The following MYCBP2 variants were observed in gnomAD, a reference collection of about 807,000 sequenced individuals.
MYCBP2 encodes the protein MYC binding protein 2.
Under a neutral mutation model 525.3 loss-of-function variants are expected in MYCBP2, and 120 were observed. That is an observed-to-expected ratio of 0.23 (90% CI 0.20 to 0.27). The LOEUF is 0.27. Ranked by LOEUF, MYCBP2 falls within the 10% of genes least tolerant of loss-of-function variation. The pLI, the probability that MYCBP2 is intolerant of heterozygous loss-of-function variation, is 1.00. For synonymous variants in MYCBP2, 1,894 were observed against 1,955.8 expected, an observed-to-expected ratio of 0.97 and a Z score of 0.83; for missense variants, 4,149 against 5,657.1, an observed-to-expected ratio of 0.73 and a Z score of 8.55.
Position 77,078,858 on chromosome 13 carries a change from C to T in MYCBP2, c.11450G>A (p.Gly3817Asp), listed in dbSNP as rs2042801540. 1 of 1,613,574 alleles carries T rather than the reference C, an allele frequency of 6.2e-7. No individual in the cohort carries two copies. Among genetic ancestry groups the T allele is most frequent in the Non-Finnish European group, 8.5e-7 (1 of 1,179,650 alleles). Residue 3817 changes from glycine (G) to aspartate (D), a missense_variant, in exon 66 of 83, where the codon GGC becomes GAC. Physicochemically the swap from Gly to Asp is moderately conservative, Grantham distance 94. Around this residue, in one of 21 missense-constraint regions of MYCBP2, gnomAD observed 509 missense variants for 789.4 expected, o/e 0.64. Coordinates refer to ENST00000544440, the MANE Select transcript of MYCBP2 (RefSeq NM_015057.5). ...NKVTSMTFLT[G>D]KAVEDLCRIK... ...TCTGCACAAATCTTCTACTGCTTTGCCAGTTAAGAAGGTCATTGAGGTAAC... is the reference window on the plus strand; with the variant it reads ...TCTGCACAAATCTTCTACTGCTTTGTCAGTTAAGAAGGTCATTGAGGTAAC...
Position 77,199,470 on chromosome 13 carries a change from C to T in MYCBP2, c.3844-5226G>A, listed in dbSNP as rs1376891020. On this transcript the variant is annotated intron_variant, in intron 26 of 82. Coordinates refer to ENST00000544440, the MANE Select transcript of MYCBP2 (RefSeq NM_015057.5). ...GGCGGCAGCGAGGCTGGGGGAGGGG[C>T]GCCCGCCATTGCCCAGGCTTGCTTA... 2.6e-4 allele frequency among the ~76,000 whole-genome samples: 40 copies of T among 152,308 alleles called. 1 individual carries two copies. The highest frequency in any genetic ancestry group is 1.5e-3 in the East Asian group (8 of 5,186).
chr13:77,125,193 T>C (rs1035650374), intron 54 of MYCBP2, 143 bp downstream of exon 54: 4 of 1,010,048 alleles, frequency 4.0e-6, no homozygotes, highest in Non-Finnish European at 2.9e-6. Context: ...ATTTTAACAG[T>C]TGCAAGATTT....
In MYCBP2 at chr13:77,126,553, G is replaced by C. The variant is rs777203518; in HGVS notation, c.7660-11C>G. 1 of 1,594,934 alleles carries C rather than the reference G, an allele frequency of 6.3e-7. No homozygotes were observed. Among genetic ancestry groups the C allele is most frequent in the East Asian group, 2.2e-5 (1 of 44,650 alleles). On this transcript the variant is annotated splice_polypyrimidine_tract_variant and intron_variant, in intron 52 of 82. Coordinates refer to ENST00000544440, the MANE Select transcript of MYCBP2 (RefSeq NM_015057.5). Reference sequence around the variant, plus strand: ...ATTAGTTTTAGATTCCTGAAAATTTGAATAGGAAAGAAAAATAAACAAAAT... The same window carrying C: ...ATTAGTTTTAGATTCCTGAAAATTTCAATAGGAAAGAAAAATAAACAAAAT...
At chr13:77,325,076 C>T (rs1021217114) in intron 1 of MYCBP2, among the ~76,000 whole-genome samples, 3 of 152,220 alleles carry the variant, frequency 2.0e-5, no homozygotes, top group Non-Finnish European at 2.9e-5. Context: ...AAAACTACTG[C>T]TGTGCCCAAT....
chr13:77,150,071 C>A (rs949828080), intron 47 of MYCBP2, among the ~76,000 whole-genome samples: 1 of 152,158 alleles, frequency 6.6e-6, no homozygotes, highest in Non-Finnish European at 1.5e-5. Context: ...ATAATGACTA[C>A]CTTGATAATT....
chr13:77,232,929 A>G (rs553229975), intron 18 of MYCBP2, among the ~76,000 whole-genome samples: 1 of 152,354 alleles, frequency 6.6e-6, no homozygotes, highest in Admixed American at 6.5e-5. Context: ...AGGAAAAGAT[A>G]TATTGTAAAA....
chr13:77,326,677 C>A lies in MYCBP2; in HGVS notation c.99G>T (p.Ala33=). The stretch of plus-strand genomic sequence containing the variant: ...GAACCGGCATGAACAGCGCCCCCGG[C>A]GCCGGGGAGGAAGAGAAGGTGGCGG... ...YPAATFSSSP[A]PGALFMPVPD... Residue 33 remains alanine, a synonymous_variant, in exon 1 of 83, where the codon GCG becomes GCT. Transcript: ENST00000544440. The surrounding 1 kb of genome is among the most constrained non-coding windows in gnomAD (Gnocchi z 4.2). The A allele has an allele frequency of 2.7e-6, 4 of 1,461,124 alleles. No homozygotes were observed. The highest frequency in any genetic ancestry group is 2.7e-6 in the Non-Finnish European group (3 of 1,113,446). The allele number at this position is 1,461,124 out of a possible 1,614,324, so 90.5% of individuals were successfully genotyped here.
intron 20 of MYCBP2, among the ~76,000 whole-genome samples, chr13:77,221,349 C>T (rs759830651): frequency 4.6e-5 from 7 of 152,142 alleles, no homozygotes; most frequent in South Asian, 2.1e-4. Context: ...ATCAGGACCA[C>T]GAAGTAATGT....
At chr13:77,086,680 A>G (rs2044339193) in intron 62 of MYCBP2, among the ~76,000 whole-genome samples, 4 of 152,008 alleles carry the variant, frequency 2.6e-5, no homozygotes, top group African/African-American at 9.7e-5. Flanking sequence ...CTTATATTTA[A>G]CCAATTTGTT....
intron 15 of MYCBP2, among the ~76,000 whole-genome samples, chr13:77,249,860 C>T (rs184931449): frequency 2.0e-4 from 30 of 152,298 alleles, no homozygotes; most frequent in Non-Finnish European, 2.1e-4. Flanking sequence ...TAAAGCACTA[C>T]AGAATAAATA....
At chr13:77,301,007 C>T (rs867349163) in intron 1 of MYCBP2, among the ~76,000 whole-genome samples, 4 of 152,192 alleles carry the variant, frequency 2.6e-5, no homozygotes, top group South Asian at 4.2e-4. Flanking sequence ...GCTTTAGATG[C>T]CCATGTGGGC....
chr13:77,248,739 T>C (rs1007547045), intron 15 of MYCBP2, among the ~76,000 whole-genome samples: 1 of 152,154 alleles, frequency 6.6e-6, no homozygotes, highest in Non-Finnish European at 1.5e-5. Context: ...AATTACCATA[T>C]AGTCCAACAA....
rs2154125348 is a variant in MYCBP2 at position 77,095,286 on chromosome 13, C to A, written c.10199+72G>T. The A allele has an allele frequency of 2.6e-6, 4 of 1,558,108 alleles. No individual in the cohort carries two copies. In the East Asian group the frequency reaches 9.0e-5, roughly 35 times the overall value. ...AATAAAGTGTAGGTCAAATACCGAA[C>A]TACCCTAGATATCAATAAACAATCG... On this transcript the variant is annotated intron_variant, in intron 58 of 82. Coordinates refer to ENST00000544440, the MANE Select transcript of MYCBP2 (RefSeq NM_015057.5).
chr13:77,101,880 TGGC>T (rs2154133859), intron 55 of MYCBP2, among the ~76,000 whole-genome samples: 1 of 152,158 alleles, frequency 6.6e-6, no homozygotes, highest in African/African-American at 2.4e-5. Flanking sequence ...TTGTATGTTG[TGGC>T]TGCTCAAAAT....
Position 77,081,098 on chromosome 13 carries a change from C to T in MYCBP2, c.11418+329G>A, listed in dbSNP as rs901775258. On this transcript the variant is annotated intron_variant, in intron 65 of 82. Coordinates refer to ENST00000544440, the MANE Select transcript of MYCBP2 (RefSeq NM_015057.5). This position sits in a 1 kb window ranked among gnomAD's most constrained non-coding sequence, Gnocchi z 4.6. ...TTTGAGAGACCCTGGAAGAATTGAT[C>T]AGCAGAGTTTAAGGGGAGGACTTCC... 10 of 242,040 alleles carry T rather than the reference C, an allele frequency of 4.1e-5. No homozygotes were observed. Among genetic ancestry groups the T allele is most frequent in the Non-Finnish European group, 6.3e-5 (8 of 126,234 alleles). 15.0% of individuals were successfully genotyped at this position (242,040 alleles called of 1,614,324 possible).
chr13:77,269,943 A>C, intron 7 of MYCBP2, 49 bp downstream of exon 7: 1 of 1,328,506 alleles, frequency 7.5e-7, no homozygotes, highest in Non-Finnish European at 1.1e-6. Flanking sequence ...GACAAATCAC[A>C]TGTTGTAAAA....
At chr13:77,205,145 A>C in intron 26 of MYCBP2, 111 bp downstream of exon 26, 1 of 994,326 alleles carries the variant, frequency 1.0e-6, no homozygotes, top group Admixed American at 3.7e-5. Context: ...TTAAAAACAA[A>C]ATAAACCCAG....
intron 48 of MYCBP2, 36 bp downstream of exon 48, chr13:77,146,126 C>T: frequency 2.8e-6 from 4 of 1,419,044 alleles, no homozygotes; most frequent in Non-Finnish European, 3.8e-6. Flanking sequence ...GCTGACAACA[C>T]ATGTTTTGGT....
At chr13:77,211,426 G>C (rs1191686830) in intron 22 of MYCBP2, 106 bp from the exon 23 acceptor site, 1 of 513,370 alleles carries the variant, frequency 1.9e-6, no homozygotes, top group African/African-American at 2.0e-5. Context: ...AATAAGCAGA[G>C]AATAAAAGAG....
Sources: gnomAD v4.1 joint callset for allele counts (sites outside exome capture counted in the v4.1 genomes callset) on GRCh38, gnomAD v4.1.1 for gene constraint, gnomAD v4.1.1 regional missense constraint, Gnocchi (gnomAD v3.1) non-coding constraint, MANE v1.5 for transcripts, NCBI Gene and HGNC (gene_info 2026-07-23, HGNC 2026-07-21) for gene names.